Variants in NEBL observed in about 807,000 individuals in gnomAD.
NEBL encodes LIM and SH3 protein 2.
NEBL carries 122 observed loss-of-function variants against 140.2 expected under a neutral mutation model. That is an observed-to-expected ratio of 0.87 (90% CI 0.75 to 1.01). The LOEUF is 1.01. Among genes scored for constraint, NEBL ranks in the 50% least tolerant of loss-of-function variants. The pLI, the probability that NEBL is intolerant of heterozygous loss-of-function variation, is 0.00. For synonymous variants in NEBL, 436 were observed against 398.9 expected, an observed-to-expected ratio of 1.09 and a Z score of -1.11; for missense variants, 1,365 against 1,231.3, an observed-to-expected ratio of 1.11 and a Z score of -1.62.
chr10:20,888,293 T>A, intron 3 of NEBL, 86 bp from the exon 4 acceptor site: 1 of 829,912 alleles, frequency 1.2e-6, no homozygotes, highest in Non-Finnish European at 2.0e-6. Flanking sequence ...GAAGAAACTT[T>A]CTCCCAAAAC....
In NEBL at chr10:21,157,010, G is replaced by C. The variant is rs151132572; in HGVS notation, c.164+15373C>G. 4.1e-3 allele frequency among the ~76,000 whole-genome samples: 631 copies of C among 152,188 alleles called. 6 individuals are homozygous for C. The highest frequency in any genetic ancestry group is 0.013 in the East Asian group (66 of 5,186). On this transcript the variant is annotated intron_variant, in intron 2 of 6. Coordinates refer to the NEBL transcript ENST00000417816. ...TTCAATACCATTCTCCTACAAGCAA[G>C]AACAATCTATCAGAGAACAATTTTC...
In NEBL at chr10:21,158,625, C is replaced by G. The variant is rs989050796; in HGVS notation, c.164+13758G>C. 8.5e-5 allele frequency among the ~76,000 whole-genome samples: 13 copies of G among 152,202 alleles called. No homozygotes were observed. In the South Asian group the frequency reaches 1.0e-3, roughly 12 times the overall value. The stretch of plus-strand genomic sequence containing the variant: ...GCTAAGGGACATGATTCCAGTGTTT[C>G]AGTTCCAGGACCACATCTACAGGGT... On this transcript the variant is annotated intron_variant, in intron 2 of 6. Transcript: ENST00000417816.
chr10:21,147,705 G>C (rs921699790), intron 2 of NEBL, among the ~76,000 whole-genome samples: 4 of 152,160 alleles, frequency 2.6e-5, no homozygotes, highest in African/African-American at 9.7e-5. Context: ...CATCCACCAA[G>C]CGAGCACCTG....
At chr10:21,255,793 C>A (rs979806618) in intron 1 of NEBL, among the ~76,000 whole-genome samples, 1 of 151,916 alleles carries the variant, frequency 6.6e-6, no homozygotes, top group Non-Finnish European at 1.5e-5. Context: ...GTCAGGAGAT[C>A]GAGACCAGCC....
intron 3 of NEBL, among the ~76,000 whole-genome samples, chr10:20,966,970 G>A (rs1836342104): frequency 2.0e-5 from 3 of 152,104 alleles, no homozygotes. Context: ...GTCATAAATG[G>A]TATGTTTATG....
intron 4 of NEBL, among the ~76,000 whole-genome samples, chr10:20,942,935 A>C (rs1048555541): frequency 1.2e-4 from 18 of 152,194 alleles, no homozygotes; most frequent in African/African-American, 3.9e-4. Context: ...AAAGTCAGGA[A>C]ACAACAGGTG....
At chr10:21,026,764 C>T (rs139856456) in intron 2 of NEBL, among the ~76,000 whole-genome samples, 133 of 152,270 alleles carry the variant, frequency 8.7e-4, no homozygotes, top group African/African-American at 3.1e-3. Flanking sequence ...ATTTGAAAGG[C>T]CTGCTTAGAA....
chr10:21,124,494 C>T lies in NEBL; in HGVS notation c.164+47889G>A, dbSNP rs148422335. ...GTTTCTCCCTGAGCTGTCTAAAGACCCTAATGCAATGAAACCAACCACTTC... is the reference window on the plus strand; with the variant it reads ...GTTTCTCCCTGAGCTGTCTAAAGACTCTAATGCAATGAAACCAACCACTTC... On this transcript the variant is annotated intron_variant, in intron 2 of 6. Transcript: ENST00000417816. 1.3e-3 allele frequency among the ~76,000 whole-genome samples: 203 copies of T among 152,166 alleles called. 2 individuals carry two copies. Among genetic ancestry groups the T allele is most frequent in the African/African-American group, 4.6e-3 (193 of 41,512 alleles).
chr10:20,973,353 T>C (rs965061017), intron 3 of NEBL, among the ~76,000 whole-genome samples: 1 of 151,042 alleles, frequency 6.6e-6, no homozygotes, highest in Admixed American at 6.6e-5. Flanking sequence ...GCTCAAGCAA[T>C]CCTCCCACCT....
At chr10:21,024,502 G>C (rs1231924063) in intron 2 of NEBL, among the ~76,000 whole-genome samples, 1 of 144,538 alleles carries the variant, frequency 6.9e-6, no homozygotes, top group Non-Finnish European at 1.5e-5. Context: ...AAGAGAATAA[G>C]ATCTTCCAAA....
chr10:20,984,959 G>A (rs1348069528), intron 3 of NEBL, among the ~76,000 whole-genome samples: 5 of 152,164 alleles, frequency 3.3e-5, no homozygotes, highest in African/African-American at 7.2e-5. Context: ...TAGGTTGCTT[G>A]CCTCTTATGA....
intron 2 of NEBL, among the ~76,000 whole-genome samples, chr10:21,126,974 CAAAAA>C (rs55883304): frequency 1.6e-5 from 1 of 64,176 alleles, no homozygotes. Flanking sequence ...GACCCTGTAT[CAAAAA>C]AAAAAAAAAA....
chr10:21,202,704 G>A (rs1475380706), intron 3 of NEBL, among the ~76,000 whole-genome samples: 3 of 151,594 alleles, frequency 2.0e-5, no homozygotes, highest in Admixed American at 6.6e-5. Context: ...CCTCGTGATC[G>A]CCCGTCTCGG....
chr10:20,902,518 G>A (rs2131434456), intron 4 of NEBL, among the ~76,000 whole-genome samples: 1 of 152,268 alleles, frequency 6.6e-6, no homozygotes. Flanking sequence ...TGGAGGAAGT[G>A]AAAAACAAGA....
intron 4 of NEBL, among the ~76,000 whole-genome samples, chr10:20,887,411 C>CTTTTTTTTTTT (rs36034071): frequency 2.5e-5 from 2 of 80,626 alleles, no homozygotes; most frequent in East Asian, 3.3e-4. Context: ...TGAATTCAAC[C>CTTTTTTTTTTT]TTTTTTTTTT....
intron 3 of NEBL, among the ~76,000 whole-genome samples, chr10:20,972,267 T>G (rs1836606235): frequency 6.6e-6 from 1 of 152,216 alleles, no homozygotes; most frequent in Admixed American, 6.5e-5. Context: ...TGTTTCTAGA[T>G]ATGTAGATTG....
intron 4 of NEBL, among the ~76,000 whole-genome samples, chr10:20,883,364 T>C (rs1319545293): frequency 6.6e-6 from 1 of 152,210 alleles, no homozygotes; most frequent in African/African-American, 2.4e-5. Context: ...TTCATCTTGT[T>C]AGAGTCTGTC....
intron 2 of NEBL, among the ~76,000 whole-genome samples, chr10:21,047,810 C>T (rs1645730926): frequency 6.6e-6 from 1 of 152,194 alleles, no homozygotes. Flanking sequence ...CTGTTAAAAG[C>T]AACCGGAATC....
At chr10:21,265,639 G>T (rs1448003293) in intron 1 of NEBL, among the ~76,000 whole-genome samples, 1 of 152,196 alleles carries the variant, frequency 6.6e-6, no homozygotes, top group Non-Finnish European at 1.5e-5. Context: ...TTATCAAAGT[G>T]GCCACTGTGG....
Sources: gnomAD v4.1 joint callset for allele counts (sites outside exome capture counted in the v4.1 genomes callset) on GRCh38, gnomAD v4.1.1 for gene constraint, MANE v1.5 for transcripts, NCBI Gene and HGNC (gene_info 2026-07-23, HGNC 2026-07-21) for gene names.